The following PRELID2 variants were observed in gnomAD, a reference collection of about 807,000 sequenced individuals.
PRELID2 encodes the protein PRELI domain containing 2, also known as PRELI domain-containing protein 2.
Under a neutral mutation model 28.4 loss-of-function variants are expected in PRELID2, and 25 were observed. The ratio of observed to expected loss-of-function variants is 0.88; its 90% CI spans 0.64 to 1.23. The LOEUF (loss-of-function observed/expected upper bound fraction) is 1.23, where lower values mean the gene tolerates loss of function less well. PRELID2 is among the 50% of genes most tolerant of loss of function. The pLI, the probability that PRELID2 is intolerant of heterozygous loss-of-function variation, is 0.00. For synonymous variants in PRELID2, 76 were observed against 71.6 expected, an observed-to-expected ratio of 1.06 and a Z score of -0.31; for missense variants, 201 against 214.4, an observed-to-expected ratio of 0.94 and a Z score of 0.39.
At chr5:145,363,064 A>G in the PRELID2 span, among the ~76,000 whole-genome samples, 2 of 151,688 alleles carry the variant, frequency 1.3e-5, no homozygotes, top group Non-Finnish European at 2.9e-5. Context: ...TTTTTCAAAA[A>G]AAAAAAAACA....
the PRELID2 span, among the ~76,000 whole-genome samples, chr5:145,380,851 T>C: frequency 6.6e-6 from 1 of 152,146 alleles, no homozygotes; most frequent in Non-Finnish European, 1.5e-5. Flanking sequence ...TAACAAAGGG[T>C]CTTGATAAGT....
chr5:145,762,409 C>A (rs948605632), intron 6 of PRELID2, among the ~76,000 whole-genome samples: 9 of 151,880 alleles, frequency 5.9e-5, no homozygotes, highest in Non-Finnish European at 1.0e-4. Flanking sequence ...TGGTGGTGCA[C>A]GCCTATGGTC....
At position 145,798,640 on chromosome 5, in the gene PRELID2, T is replaced by C. The variant is rs1052167857; in HGVS notation, c.369-2093A>G. Among the ~76,000 whole-genome samples, 6 of 152,192 alleles carry C rather than the reference T, an allele frequency of 3.9e-5. No homozygotes were observed. In the East Asian group the frequency reaches 9.6e-4, roughly 24 times the overall value. ...AACCAACCCAAATGTCCATCAATGA[T>C]AGACTGGATTCAGAAAATGTGGCAC... On this transcript the variant is annotated intron_variant, in intron 4 of 6. Transcript: ENST00000683046.
At chr5:145,688,571 G>T (rs1328834241) in intron 1 of PRELID2, among the ~76,000 whole-genome samples, 22 of 152,156 alleles carry the variant, frequency 1.4e-4, no homozygotes, top group Admixed American at 1.4e-3. Context: ...AGCCAAAAAA[G>T]GTTTGGGACA....
chr5:145,318,546 A>G, the PRELID2 span, among the ~76,000 whole-genome samples: 1 of 152,196 alleles, frequency 6.6e-6, no homozygotes, highest in Non-Finnish European at 1.5e-5. Flanking sequence ...ACAAAACAGG[A>G]TAGTTCCCTG....
chr5:145,709,163 T>C (rs1283308638), intron 1 of PRELID2, among the ~76,000 whole-genome samples: 1 of 152,164 alleles, frequency 6.6e-6, no homozygotes, highest in East Asian at 1.9e-4. Flanking sequence ...TACCAAACCC[T>C]ACAGAAGCCC....
the PRELID2 span, among the ~76,000 whole-genome samples, chr5:145,251,473 T>C: frequency 6.6e-6 from 1 of 151,536 alleles, no homozygotes; most frequent in Non-Finnish European, 1.5e-5. Context: ...CTCAGTGTAA[T>C]GATTTCTAAC....
At chr5:145,322,493 A>T in the PRELID2 span, among the ~76,000 whole-genome samples, 1 of 152,216 alleles carries the variant, frequency 6.6e-6, no homozygotes, top group Non-Finnish European at 1.5e-5. Flanking sequence ...GGTTTAGCCA[A>T]AATCTAGCCA....
At position 145,477,386 on chromosome 5, in the gene PRELID2, G is replaced by T. The variant is rs550492935; in HGVS notation, n.71-4071C>A. The stretch of plus-strand genomic sequence containing the variant: ...CAGTCCACATCCTATCCTATCCTAT[G>T]AATAATTTTACCAACAGAAAGAATA... On this transcript the variant is annotated intron_variant and non_coding_transcript_variant, in intron 1 of 2. Transcript: ENST00000510259. Among the ~76,000 whole-genome samples the T allele has an allele frequency of 8.5e-4, 129 of 152,212 alleles. 1 individual carries two copies. The highest frequency in any genetic ancestry group is 1.2e-3 in the East Asian group (6 of 5,178).
the PRELID2 span, among the ~76,000 whole-genome samples, chr5:145,350,511 A>T: frequency 6.6e-6 from 1 of 152,172 alleles, no homozygotes; most frequent in Admixed American, 6.5e-5. Context: ...TTGAGAGTTG[A>T]TTGAGGCCAT....
chr5:145,561,895 C>G (rs1278851297), intron 1 of PRELID2, among the ~76,000 whole-genome samples: 2 of 152,194 alleles, frequency 1.3e-5, no homozygotes, highest in Non-Finnish European at 1.5e-5. Context: ...AAGGACCTAA[C>G]TTCAGAGACG....
Position 145,756,867 on chromosome 5 carries a change from A to G in PRELID2, c.*3669T>C, listed in dbSNP as rs1420367004. Among the ~76,000 whole-genome samples the G allele has an allele frequency of 2.6e-5, 4 of 152,212 alleles. No homozygotes were observed. The highest frequency in any genetic ancestry group is 9.7e-5 in the African/African-American group (4 of 41,450). ...TAATGGGAGAGATAAATGACAGATAAAAGTGAGGGAAAAGAAAAACTCTAA... is the reference window on the plus strand; with the variant it reads ...TAATGGGAGAGATAAATGACAGATAGAAGTGAGGGAAAAGAAAAACTCTAA... On this transcript the variant is annotated 3_prime_UTR_variant, in exon 7 of 7. Transcript: ENST00000683046.
chr5:145,744,870 T>C (rs1442823235), intron 1 of PRELID2, among the ~76,000 whole-genome samples: 2 of 151,954 alleles, frequency 1.3e-5, no homozygotes, highest in African/African-American at 2.4e-5. Context: ...GATGGAAGAA[T>C]TGACAGAAGT....
intron 5 of PRELID2, among the ~76,000 whole-genome samples, chr5:145,768,842 C>T (rs958934005): frequency 6.6e-6 from 1 of 151,934 alleles, no homozygotes; most frequent in Non-Finnish European, 1.5e-5. Flanking sequence ...CTTTTTCCCC[C>T]CCTCTCATAC....
chr5:145,801,442 C>T (rs73306030), intron 4 of PRELID2, among the ~76,000 whole-genome samples: 678 of 152,202 alleles, frequency 4.5e-3, no homozygotes, highest in African/African-American at 0.016. Flanking sequence ...TCAAGTTTTC[C>T]TTCACCTGTC....
intron 1 of PRELID2, among the ~76,000 whole-genome samples, chr5:145,502,187 T>C (rs1752365494): frequency 6.6e-6 from 1 of 151,902 alleles, no homozygotes; most frequent in Admixed American, 6.6e-5. Flanking sequence ...ACAGTCACAG[T>C]GAAAGACAAA....
chr5:145,515,423 C>A (rs1235417345), intron 1 of PRELID2, among the ~76,000 whole-genome samples: 1 of 152,116 alleles, frequency 6.6e-6, no homozygotes, highest in Non-Finnish European at 1.5e-5. Flanking sequence ...GATGCATACA[C>A]CCTCCCAAGA....
intron 5 of PRELID2, among the ~76,000 whole-genome samples, chr5:145,794,343 G>T (rs1417830786): frequency 2.0e-5 from 3 of 152,154 alleles, no homozygotes; most frequent in Non-Finnish European, 1.5e-5. Flanking sequence ...TCTGTTACTT[G>T]CAACCAAATA....
At chr5:145,716,954 T>C (rs1417790168) in intron 1 of PRELID2, among the ~76,000 whole-genome samples, 1 of 152,162 alleles carries the variant, frequency 6.6e-6, no homozygotes, top group African/African-American at 2.4e-5. Flanking sequence ...TGATATTGAC[T>C]GACACAACTC....
Sources: allele counts gnomAD v4.1 joint callset (sites outside exome capture counted in the v4.1 genomes callset), GRCh38; gene constraint gnomAD v4.1.1; transcripts MANE v1.5; gene names NCBI Gene and HGNC (gene_info 2026-07-23, HGNC 2026-07-21).